The following CUX1 variants were observed in gnomAD, a reference collection of about 807,000 sequenced individuals.
The protein encoded by CUX1 is protein CASP.
Under a neutral mutation model 158.8 loss-of-function variants are expected in CUX1, and 31 were observed. The ratio of observed to expected loss-of-function variants is 0.20; its 90% CI spans 0.15 to 0.26. CUX1 has a LOEUF of 0.26. CUX1 is among the 10% of genes least tolerant of loss of function. The pLI, the probability that CUX1 is intolerant of heterozygous loss-of-function variation, is 1.00. For missense variants in CUX1, 1,589 were observed against 2,014.6 expected, an observed-to-expected ratio of 0.79 and a Z score of 4.04; for synonymous variants, 879 against 862.1, an observed-to-expected ratio of 1.02 and a Z score of -0.34.
intron 3 of CUX1, among the ~76,000 whole-genome samples, chr7:102,054,876 C>T (rs1823957805): frequency 1.3e-5 from 2 of 151,890 alleles, no homozygotes; most frequent in Non-Finnish European, 2.9e-5. Context: ...GAGGCTGTGG[C>T]AGGAGGATCA....
chr7:102,044,711 T>G (rs35327748), intron 3 of CUX1, among the ~76,000 whole-genome samples: 2,500 of 152,074 alleles, frequency 0.016, 32 homozygotes, highest in Non-Finnish European at 0.026. Context: ...ACTTATTGAG[T>G]GTGATGTGCG....
At chr7:102,037,710 AC>A (rs1821603499) in intron 3 of CUX1, among the ~76,000 whole-genome samples, 1 of 151,938 alleles carries the variant, frequency 6.6e-6, no homozygotes, top group South Asian at 2.1e-4. Flanking sequence ...GCAGTAAACT[AC>A]CTTAAAATTT....
At chr7:101,930,450 T>G (rs1168490715) in intron 2 of CUX1, among the ~76,000 whole-genome samples, 1 of 152,194 alleles carries the variant, frequency 6.6e-6, no homozygotes, top group Non-Finnish European at 1.5e-5. Context: ...CCATGCTAAC[T>G]CTGATACTTG....
At chr7:102,035,476 C>G (rs1311821198) in intron 3 of CUX1, among the ~76,000 whole-genome samples, 1 of 151,780 alleles carries the variant, frequency 6.6e-6, no homozygotes. Context: ...ATATTTTCAG[C>G]CTACAGTATA....
chr7:102,015,727 C>T (rs1032831336), intron 2 of CUX1, among the ~76,000 whole-genome samples: 14 of 152,174 alleles, frequency 9.2e-5, no homozygotes, highest in African/African-American at 3.4e-4. Context: ...TTCACTCATC[C>T]ACCCGCTATG....
Position 102,110,481 on chromosome 7 carries a change from T to C in CUX1, c.531-1217T>C, listed in dbSNP as rs1280933115. ...TTACGTGTTAGTTCATGTTACGCTCTAGTGTGTTACGCATTCGTTCATATT... is the reference window on the plus strand; with the variant it reads ...TTACGTGTTAGTTCATGTTACGCTCCAGTGTGTTACGCATTCGTTCATATT... On this transcript the variant is annotated intron_variant, in intron 6 of 23. Coordinates refer to ENST00000292535, the MANE Select transcript of CUX1 (RefSeq NM_181552.4). 3.3e-5 allele frequency among the ~76,000 whole-genome samples: 5 copies of C among 152,240 alleles called. No individual in the cohort carries two copies. The East Asian group carries it at 7.7e-4, about 23-fold the overall frequency.
chr7:102,055,167 A>T (rs559681956), intron 3 of CUX1, among the ~76,000 whole-genome samples: 1 of 151,708 alleles, frequency 6.6e-6, no homozygotes, highest in Admixed American at 6.6e-5. Flanking sequence ...TGCCAAATTT[A>T]TTCGTAAGTA....
intron 8 of CUX1, among the ~76,000 whole-genome samples, chr7:102,135,132 C>T (rs1431617003): frequency 6.6e-6 from 1 of 152,098 alleles, no homozygotes; most frequent in African/African-American, 2.4e-5. Flanking sequence ...ACCCCCGACA[C>T]AGTGAAAAAT....
chr7:101,817,092 G>T, upstream of CUX1: 1 of 984,628 alleles, frequency 1.0e-6, no homozygotes, highest in Non-Finnish European at 1.2e-6. The surrounding 1 kb of genome is among the most constrained non-coding windows in gnomAD (Gnocchi z 4.1). Context: ...TGCCCCGCGC[G>T]CAGTGTCGCT....
chr7:102,069,765 A>G (rs572081339), intron 3 of CUX1, among the ~76,000 whole-genome samples: 1 of 152,148 alleles, frequency 6.6e-6, no homozygotes, highest in Non-Finnish European at 1.5e-5. Context: ...GGAGAATTTT[A>G]TGAAATTCTT....
chr7:102,066,422 G>C (rs1226093901), intron 3 of CUX1, among the ~76,000 whole-genome samples: 1 of 152,112 alleles, frequency 6.6e-6, no homozygotes, highest in Non-Finnish European at 1.5e-5. Context: ...CATCTTTCAA[G>C]AGACACAATT....
rs1554546846 is a variant in CUX1 at position 102,273,494 on chromosome 7, G to T, written c.1383+1G>T. 4.3e-6 allele frequency: 7 copies of T among 1,609,776 alleles called. No homozygotes were observed. Among genetic ancestry groups the T allele is most frequent in the Non-Finnish European group, 5.9e-6 (7 of 1,177,152 alleles). On this transcript the variant is annotated splice_donor_variant, in intron 15 of 22. Coordinates refer to the CUX1 transcript ENST00000292538. LOFTEE classifies it high-confidence loss of function. ...GTCCATCCAGCGGCCCGATGCCGAG[G>T]TGAGCCCACCCCCCTGCCCCATGCC...
intron 1 of CUX1, among the ~76,000 whole-genome samples, chr7:101,891,152 G>T (rs1800837523): frequency 6.6e-6 from 1 of 152,084 alleles, no homozygotes; most frequent in Admixed American, 6.6e-5. Flanking sequence ...TCTCATTTGG[G>T]ACTCTAATTC....
intron 19 of CUX1, 127 bp downstream of exon 19, chr7:102,204,683 C>T (rs1795773788): frequency 8.1e-7 from 1 of 1,238,202 alleles, no homozygotes; most frequent in Non-Finnish European, 1.1e-6. Context: ...CAACCACACT[C>T]CCCACCGTGG....
chr7:102,276,075 A>C (rs1200400319), intron 17 of CUX1, among the ~76,000 whole-genome samples: 1 of 151,708 alleles, frequency 6.6e-6, no homozygotes, highest in African/African-American at 2.4e-5. Flanking sequence ...TATAGACCAC[A>C]TTTTGTTTAT....
At chr7:102,103,160 G>A (rs782485422) in intron 5 of CUX1, among the ~76,000 whole-genome samples, 64 of 152,156 alleles carry the variant, frequency 4.2e-4, no homozygotes, top group Admixed American at 9.2e-4. Flanking sequence ...CTCACTCTAG[G>A]ACTCCTCCAG....
intron 20 of CUX1, among the ~76,000 whole-genome samples, chr7:102,213,895 G>A (rs1200743281): frequency 6.6e-6 from 1 of 152,166 alleles, no homozygotes; most frequent in African/African-American, 2.4e-5. Context: ...CACTTTGGGA[G>A]GCCAAGGCGG....
intron 2 of CUX1, among the ~76,000 whole-genome samples, chr7:101,935,079 A>G (rs1806757831): frequency 6.6e-6 from 1 of 152,170 alleles, no homozygotes; most frequent in South Asian, 2.1e-4. Context: ...CTGCACGTAC[A>G]CATCCAGATG....
chr7:101,963,931 C>A (rs1423163471), intron 2 of CUX1, among the ~76,000 whole-genome samples: 1 of 151,770 alleles, frequency 6.6e-6, no homozygotes, highest in Non-Finnish European at 1.5e-5. Context: ...GGATTACAGG[C>A]ATGAGCCACT....
Sources: gnomAD v4.1 joint callset for allele counts (sites outside exome capture counted in the v4.1 genomes callset) on GRCh38, gnomAD v4.1.1 for gene constraint, Gnocchi (gnomAD v3.1) non-coding constraint, MANE v1.5 for transcripts, NCBI Gene and HGNC (gene_info 2026-07-23, HGNC 2026-07-21) for gene names.